Variants in NRXN1 observed in about 807,000 individuals in gnomAD.
NRXN1 encodes the protein neurexin-1.
A neutral mutation model predicts 150.9 loss-of-function variants in NRXN1; 39 were observed. The ratio of observed to expected loss-of-function variants is 0.26; its 90% CI spans 0.20 to 0.34. The LOEUF (loss-of-function observed/expected upper bound fraction) is 0.34, where lower values mean the gene tolerates loss of function less well. NRXN1 is among the 10% of genes least tolerant of loss of function. NRXN1 has a pLI of 1.00. For synonymous variants in NRXN1, 924 were observed against 757.0 expected, an observed-to-expected ratio of 1.22 and a Z score of -3.62; for missense variants, 1,815 against 1,949.9, an observed-to-expected ratio of 0.93 and a Z score of 1.30.
At position 50,472,428 on chromosome 2, in the gene NRXN1, G is replaced by T; in HGVS notation, c.3114C>A (p.Ser1038=). 6.2e-7 allele frequency: 1 copy of T among 1,612,116 alleles called. No individual in the cohort carries two copies. Residue 1038 remains serine, a synonymous_variant, in exon 16 of 23, where the codon TCC becomes TCA. Coordinates refer to ENST00000401669, the MANE Select transcript of NRXN1 (RefSeq NM_001330078.2). ...IGGVAKETYK[S]LPKLVHAKEG... is the part of the protein sequence containing the mutation. ...CTTTGGCATGTACAAGTTTTGGTAA[G>T]GATTTGTATGTTTCTTTAGCTACTC...
chr2:50,343,647 C>T (rs1236274380), intron 17 of NRXN1, among the ~76,000 whole-genome samples: 3 of 152,196 alleles, frequency 2.0e-5, no homozygotes, highest in East Asian at 1.9e-4. Flanking sequence ...TAGCCATGAG[C>T]GCTCTCTGCG....
At chr2:50,690,837 T>TA (rs1691967407) in intron 5 of NRXN1, among the ~76,000 whole-genome samples, 1 of 152,126 alleles carries the variant, frequency 6.6e-6, no homozygotes, top group African/African-American at 2.4e-5. Context: ...ACACAGATAT[T>TA]AAATAAACCA....
intron 21 of NRXN1, among the ~76,000 whole-genome samples, chr2:49,949,437 C>A (rs1042006055): frequency 6.6e-6 from 1 of 151,876 alleles, no homozygotes; most frequent in Non-Finnish European, 1.5e-5. Context: ...TATTATATCC[C>A]TGCTAAGAAT....
chr2:50,555,607 C>A (rs768933237), intron 8 of NRXN1, among the ~76,000 whole-genome samples: 1 of 152,168 alleles, frequency 6.6e-6, no homozygotes, highest in South Asian at 2.1e-4. Flanking sequence ...CAGTGGCTGG[C>A]ACAGAGTAGA....
At chr2:50,125,846 T>C (rs1211167925) in intron 18 of NRXN1, among the ~76,000 whole-genome samples, 1 of 152,074 alleles carries the variant, frequency 6.6e-6, no homozygotes, top group Non-Finnish European at 1.5e-5. Flanking sequence ...TTTTTGGAGG[T>C]TGCCTTTTTG....
intron 18 of NRXN1, among the ~76,000 whole-genome samples, chr2:50,190,129 G>A (rs777006610): frequency 6.6e-6 from 1 of 152,050 alleles, no homozygotes; most frequent in South Asian, 2.1e-4. Context: ...GGACTATAAA[G>A]AAACTAGAGT....
At chr2:50,456,875 G>A (rs1283841224) in intron 17 of NRXN1, among the ~76,000 whole-genome samples, 1 of 151,888 alleles carries the variant, frequency 6.6e-6, no homozygotes, top group South Asian at 2.1e-4. Context: ...CTCAACAACT[G>A]TATAAAGAAT....
At chr2:50,225,707 C>G (rs1235770690) in intron 18 of NRXN1, among the ~76,000 whole-genome samples, 1 of 151,894 alleles carries the variant, frequency 6.6e-6, no homozygotes, top group African/African-American at 2.4e-5. Context: ...CAGCGGCACT[C>G]TGGAGGTCTC....
chr2:49,977,307 T>C (rs1190858510), intron 21 of NRXN1, among the ~76,000 whole-genome samples: 5 of 152,146 alleles, frequency 3.3e-5, no homozygotes, highest in African/African-American at 7.2e-5. Flanking sequence ...TTGACAATGT[T>C]TGGTGACATT....
intron 18 of NRXN1, among the ~76,000 whole-genome samples, chr2:50,195,917 T>C (rs2061729474): frequency 6.6e-6 from 1 of 152,072 alleles, no homozygotes; most frequent in Admixed American, 6.6e-5. Context: ...ATATTGTCTG[T>C]ACTTAATTCC....
At chr2:50,193,688 C>T (rs2152825458) in intron 18 of NRXN1, among the ~76,000 whole-genome samples, 1 of 152,118 alleles carries the variant, frequency 6.6e-6, no homozygotes, top group African/African-American at 2.4e-5. Flanking sequence ...ATTAGTACTT[C>T]AAAGATACCC....
intron 18 of NRXN1, among the ~76,000 whole-genome samples, chr2:50,118,977 CTT>C (rs751849660): frequency 2.2e-5 from 3 of 139,216 alleles, no homozygotes; most frequent in Admixed American, 7.3e-5. Context: ...GTTAACCTGT[CTT>C]TTTTTTTTTT....
At chr2:50,787,805 C>T (rs989418086) in intron 5 of NRXN1, among the ~76,000 whole-genome samples, 19 of 151,796 alleles carry the variant, frequency 1.3e-4, no homozygotes, top group African/African-American at 3.6e-4. Context: ...ATTGTGCAGC[C>T]GAGAGGTAAG....
intron 19 of NRXN1, among the ~76,000 whole-genome samples, chr2:50,056,168 G>T (rs1693576577): frequency 6.6e-6 from 1 of 152,024 alleles, no homozygotes; most frequent in Non-Finnish European, 1.5e-5. Context: ...ATGTTGAATG[G>T]TAGCACTATC....
chr2:50,805,690 C>T (rs896948129), intron 5 of NRXN1, among the ~76,000 whole-genome samples: 5 of 151,944 alleles, frequency 3.3e-5, no homozygotes, highest in African/African-American at 1.2e-4. Flanking sequence ...ATTACCCATG[C>T]TTTTTATTTT....
chr2:50,273,426 A>T (rs1024922851), intron 17 of NRXN1, among the ~76,000 whole-genome samples: 4 of 152,084 alleles, frequency 2.6e-5, no homozygotes, highest in African/African-American at 9.7e-5. Context: ...ACTCATGCAA[A>T]ATTTTCCAGC....
chr2:50,758,001 T>C (rs1037445411), intron 5 of NRXN1: 3 of 151,756 alleles, frequency 2.0e-5, no homozygotes, highest in African/African-American at 7.3e-5. Context: ...ATTTTTATTC[T>C]CTTACTTGAG....
At chr2:50,868,122 T>G (rs1462703578) in intron 5 of NRXN1, among the ~76,000 whole-genome samples, 1 of 128,018 alleles carries the variant, frequency 7.8e-6, no homozygotes, top group Non-Finnish European at 1.7e-5. Context: ...CATCACTGGA[T>G]GAATGGATAA....
At chr2:50,407,666 G>A (rs942395762) in intron 17 of NRXN1, among the ~76,000 whole-genome samples, 3 of 151,968 alleles carry the variant, frequency 2.0e-5, no homozygotes, top group Non-Finnish European at 4.4e-5. Flanking sequence ...AAGAGGAAGA[G>A]AGACCTGAGC....
Sources: allele counts gnomAD v4.1 joint callset (sites outside exome capture counted in the v4.1 genomes callset), GRCh38; gene constraint gnomAD v4.1.1; transcripts MANE v1.5; gene names NCBI Gene and HGNC (gene_info 2026-07-23, HGNC 2026-07-21).